The following ARAP2 variants were observed in gnomAD, a reference collection of about 807,000 sequenced individuals.
ARAP2 encodes arf-GAP with Rho-GAP domain, ANK repeat and PH domain-containing protein 2.
ARAP2 carries 148 observed loss-of-function variants against 194.5 expected under a neutral mutation model. The observed-to-expected ratio is 0.76, with a 90% CI of 0.67 to 0.87. ARAP2 has a LOEUF of 0.87. Among genes scored for constraint, ARAP2 ranks in the 40% least tolerant of loss-of-function variants. The pLI is 0.00. For synonymous variants in ARAP2, 695 were observed against 683.5 expected (o/e 1.02, Z -0.26); for missense variants, 2,128 against 1,989.7 (o/e 1.07, Z -1.32).
intron 2 of ARAP2, among the ~76,000 whole-genome samples, chr4:36,226,510 C>CT (rs546115451): frequency 1.4e-5 from 2 of 139,044 alleles, no homozygotes; most frequent in African/African-American, 5.5e-5. Flanking sequence ...ATCTTTTAAG[C>CT]CCCCCCCCAC....
At chr4:36,046,181 T>TTC (rs146670949) in intron 4 of ARAP2, 51 of 152,070 alleles carry the variant, frequency 3.4e-4, no homozygotes, top group Non-Finnish European at 5.3e-4. Flanking sequence ...CTGACCAGTA[T>TTC]TCTCTCTCTC....
At chr4:36,145,249 T>C (rs904909817) in intron 19 of ARAP2, among the ~76,000 whole-genome samples, 4 of 151,936 alleles carry the variant, frequency 2.6e-5, no homozygotes, top group Non-Finnish European at 5.9e-5. Context: ...CACAGCACTA[T>C]TCACAAGAGT....
At position 36,229,523 on chromosome 4, in the gene ARAP2, T is replaced by C. The variant is rs1299449920; in HGVS notation, c.-37A>G. ...CATTACTAAGCTGAGTTACAAAAAG[T>C]GGCACGATGAGACACACACACAAGA... On this transcript the variant is annotated 5_prime_UTR_variant, in exon 2 of 33. Coordinates refer to ENST00000303965, the MANE Select transcript of ARAP2 (RefSeq NM_015230.4). 3 of 1,521,068 alleles carry C rather than the reference T, an allele frequency of 2.0e-6. No homozygotes were observed. The allele number at this position is 1,521,068 out of a possible 1,614,324, so 94.2% of individuals were successfully genotyped here. A position where few individuals can be genotyped will look rare whatever the true frequency, so the allele number is the denominator to read the frequency against.
At chr4:36,136,338 C>A (rs1156552864) in intron 19 of ARAP2, among the ~76,000 whole-genome samples, 1 of 151,696 alleles carries the variant, frequency 6.6e-6, no homozygotes, top group Non-Finnish European at 1.5e-5. Context: ...ATTTTCTAAG[C>A]ATAAATTCCA....
upstream of ARAP2, among the ~76,000 whole-genome samples, chr4:36,244,705 G>A (rs920540011): frequency 2.0e-5 from 3 of 152,122 alleles, no homozygotes; most frequent in African/African-American, 7.2e-5. Flanking sequence ...CCCCGCTGGG[G>A]AAGCTGCGGG....
chr4:36,096,362 C>CAAAAA (rs10632831), intron 27 of ARAP2, among the ~76,000 whole-genome samples: 1 of 80,996 alleles, frequency 1.2e-5, no homozygotes, highest in African/African-American at 6.7e-5. Flanking sequence ...GAGACTCTCT[C>CAAAAA]AAAAAAAAAA....
intron 2 of ARAP2, among the ~76,000 whole-genome samples, chr4:36,216,792 C>A (rs1670438437): frequency 6.6e-6 from 1 of 152,144 alleles, no homozygotes; most frequent in Non-Finnish European, 1.5e-5. Context: ...TCATGCTGAG[C>A]AAAAGAAGCA....
chr4:36,068,311 C>T, intron 32 of ARAP2, 33 bp from the exon 33 acceptor site: 1 of 1,497,650 alleles, frequency 6.7e-7, no homozygotes, highest in Non-Finnish European at 8.9e-7. Context: ...CACAGGGAAG[C>T]AAGATTTGGC....
chr4:36,167,380 T>C (rs551831057), intron 9 of ARAP2, among the ~76,000 whole-genome samples: 1 of 152,218 alleles, frequency 6.6e-6, no homozygotes, highest in Admixed American at 6.5e-5. Context: ...TTATTGTATG[T>C]CAAGCAGTTT....
At chr4:36,013,409 T>C (rs1317705305) in intron 8 of ARAP2, among the ~76,000 whole-genome samples, 2 of 152,138 alleles carry the variant, frequency 1.3e-5, no homozygotes, top group Non-Finnish European at 2.9e-5. Context: ...GAGGAATTAG[T>C]TGAGTGATGA....
At chr4:36,043,956 T>C (rs1346112466) in intron 5 of ARAP2, among the ~76,000 whole-genome samples, 4 of 151,522 alleles carry the variant, frequency 2.6e-5, no homozygotes, top group Non-Finnish European at 5.9e-5. Context: ...AAGAATTGAA[T>C]TGTCTGAGAT....
In ARAP2 at chr4:36,212,472, T is replaced by C; in HGVS notation, c.1057A>G (p.Asn353Asp). ...GCTTCTCCCTGGGTCAAAAATTCATTCTTTATAGATCGCTTCTATTAAAAA... is the reference window on the plus strand; with the variant it reads ...GCTTCTCCCTGGGTCAAAAATTCATCCTTTATAGATCGCTTCTATTAAAAA... The part of the protein sequence containing the change: ...LENSKKRSIK[N>D]EFLTQGEALK... Residue 353 changes from asparagine (N) to aspartate (D), a missense_variant, in exon 5 of 33, where the codon AAT becomes GAT. Coordinates refer to ENST00000303965, the MANE Select transcript of ARAP2 (RefSeq NM_015230.4). 1.2e-6 allele frequency: 2 copies of C among 1,611,532 alleles called. No homozygotes were observed. Among genetic ancestry groups the C allele is most frequent in the Non-Finnish European group, 1.7e-6 (2 of 1,178,348 alleles).
At chr4:36,106,888 A>T (rs1202775629) in intron 27 of ARAP2, among the ~76,000 whole-genome samples, 1 of 151,980 alleles carries the variant, frequency 6.6e-6, no homozygotes, top group Non-Finnish European at 1.5e-5. Context: ...TTCAATCCTT[A>T]GCTTATTGAG....
chr4:36,095,130 A>G (rs901906365), intron 27 of ARAP2, among the ~76,000 whole-genome samples: 11 of 152,082 alleles, frequency 7.2e-5, no homozygotes, highest in Non-Finnish European at 1.2e-4. Context: ...ATGTCAGAAA[A>G]GCTCCCCTCC....
intron 2 of ARAP2, among the ~76,000 whole-genome samples, chr4:36,056,971 G>T (rs1280567297): frequency 6.7e-6 from 1 of 148,348 alleles, no homozygotes; most frequent in Non-Finnish European, 1.5e-5. Flanking sequence ...ACTTTCCTTT[G>T]CTCTTTAGTT....
At chr4:36,130,176 T>A (rs2109595913) in intron 20 of ARAP2, among the ~76,000 whole-genome samples, 1 of 152,110 alleles carries the variant, frequency 6.6e-6, no homozygotes, top group East Asian at 1.9e-4. Context: ...TTGCCCATAT[T>A]CTTATGCAGC....
At position 36,179,903 on chromosome 4, in the gene ARAP2, T is replaced by C. The variant is rs185957103; in HGVS notation, c.1679-1898A>G. Among the ~76,000 whole-genome samples the C allele has an allele frequency of 5.2e-3, 792 of 152,368 alleles. 11 individuals are homozygous for C. Among genetic ancestry groups the C allele is most frequent in the Non-Finnish European group, 9.3e-3 (635 of 68,036 alleles). ...TAAAAACAGTTGATTGTGTCTTTAATCACCAAAGTCAAAATGTTTATTAAA... is the reference window on the plus strand; with the variant it reads ...TAAAAACAGTTGATTGTGTCTTTAACCACCAAAGTCAAAATGTTTATTAAA... On this transcript the variant is annotated intron_variant, in intron 8 of 32. Transcript: ENST00000303965.
At chr4:36,103,803 A>G (rs1044446155) in intron 27 of ARAP2, among the ~76,000 whole-genome samples, 1 of 151,940 alleles carries the variant, frequency 6.6e-6, no homozygotes, top group Admixed American at 6.6e-5. Context: ...TAGATTCTAA[A>G]ATATATTCTT....
intron 2 of ARAP2, among the ~76,000 whole-genome samples, chr4:36,222,610 G>A (rs1749427516): frequency 1.3e-5 from 2 of 152,188 alleles, no homozygotes; most frequent in South Asian, 2.1e-4. Context: ...GCACGAGTAG[G>A]ATAAACACCA....
Sources: gnomAD v4.1 joint callset for allele counts (sites outside exome capture counted in the v4.1 genomes callset) on GRCh38, gnomAD v4.1.1 for gene constraint, MANE v1.5 for transcripts, NCBI Gene and HGNC (gene_info 2026-07-23, HGNC 2026-07-21) for gene names.